The following CSGALNACT1 variants were observed in gnomAD, a reference collection of about 807,000 sequenced individuals.
The protein encoded by CSGALNACT1 is chondroitin sulfate N-acetylgalactosaminyltransferase 1, also known as beta4GalNAcT-1.
Under a neutral mutation model 51.0 loss-of-function variants are expected in CSGALNACT1, and 52 were observed. The ratio of observed to expected loss-of-function variants is 1.02; its 90% CI spans 0.82 to 1.29. The LOEUF (loss-of-function observed/expected upper bound fraction) is 1.29. Among genes scored for constraint, CSGALNACT1 ranks in the 50% most tolerant of loss-of-function variants. The pLI is 0.00. For missense variants in CSGALNACT1, 935 were observed against 679.2 expected (o/e 1.38, Z -4.19); for synonymous variants, 341 against 254.4 (o/e 1.34, Z -3.24).
At chr8:19,519,190 G>T (rs2080153356) in intron 3 of CSGALNACT1, among the ~76,000 whole-genome samples, 1 of 152,152 alleles carries the variant, frequency 6.6e-6, no homozygotes. Flanking sequence ...GGCAGCCCTG[G>T]GGGTGGGGGT....
At position 19,681,738 on chromosome 8, in the gene CSGALNACT1, C is replaced by A. The variant is rs192629760; in HGVS notation, c.-544+735G>T. 6.6e-5 allele frequency among the ~76,000 whole-genome samples: 10 copies of A among 152,314 alleles called. No homozygotes were observed. In the East Asian group the frequency reaches 1.9e-3, roughly 29 times the overall value. Reference sequence around the variant, plus strand: ...CCCTCAACTCCTCCCATCTCTGTCCCCTGCCCTGGGAATGCCAGGCTGGGC... The same window carrying A: ...CCCTCAACTCCTCCCATCTCTGTCCACTGCCCTGGGAATGCCAGGCTGGGC... On this transcript the variant is annotated intron_variant, in intron 1 of 9. Coordinates refer to the CSGALNACT1 transcript ENST00000332246.
intron 3 of CSGALNACT1, among the ~76,000 whole-genome samples, chr8:19,581,337 T>A (rs1417767257): frequency 6.6e-6 from 1 of 152,218 alleles, no homozygotes; most frequent in African/African-American, 2.4e-5. Context: ...TTATGCTATT[T>A]TGATATCCCC....
intron 3 of CSGALNACT1, among the ~76,000 whole-genome samples, chr8:19,569,629 C>G (rs2042590648): frequency 6.6e-6 from 1 of 152,140 alleles, no homozygotes; most frequent in African/African-American, 2.4e-5. Flanking sequence ...AGCTCACATA[C>G]ATTGCTGGTA....
In CSGALNACT1 at chr8:19,575,033, CA is replaced by C. The variant is rs969132530; in HGVS notation, c.-297+16126del. Among the ~76,000 whole-genome samples, 398 of 136,648 alleles carry C rather than the reference CA, an allele frequency of 2.9e-3. 3 individuals are homozygous for C. The East Asian group carries it at 0.03, about 10-fold the overall frequency. The allele number at this position is 136,648 out of a possible 152,430, so 89.6% of individuals were successfully genotyped here. ...CTGACAACAGAGCGAGACTCCGTCTCAAAAAAAAAAAAAATTCCTCTCTCCT... is the reference window on the plus strand; with the variant it reads ...CTGACAACAGAGCGAGACTCCGTCTCAAAAAAAAAAAAATTCCTCTCTCCT... On this transcript the variant is annotated intron_variant, in intron 3 of 9. Coordinates refer to ENST00000454498, the Ensembl canonical transcript of CSGALNACT1.
chr8:19,639,413 A>C (rs1342445112), intron 1 of CSGALNACT1, among the ~76,000 whole-genome samples: 2 of 152,200 alleles, frequency 1.3e-5, no homozygotes, highest in Non-Finnish European at 2.9e-5. Context: ...TTATTTTCTA[A>C]TATTTTCATT....
intron 4 of CSGALNACT1, among the ~76,000 whole-genome samples, chr8:19,466,513 T>C (rs1266093192): frequency 6.6e-6 from 1 of 152,228 alleles, no homozygotes. Flanking sequence ...TAGTATTTTT[T>C]ATTTTTTATA....
At position 19,570,117 on chromosome 8, in the gene CSGALNACT1, G is replaced by C. The variant is rs143461623; in HGVS notation, c.-297+21043C>G. ...ATTTTTTTTTTTTGGTTCTAGAAGT[G>C]GTCTACATCTTGATTTGTGTGGTGA... On this transcript the variant is annotated intron_variant, in intron 3 of 9. Transcript: ENST00000454498. 6.4e-3 allele frequency among the ~76,000 whole-genome samples: 964 copies of C among 151,468 alleles called. 5 individuals are homozygous for C. The highest frequency in any genetic ancestry group is 0.022 in the African/African-American group (894 of 41,252).
chr8:19,478,790 C>A (rs141098928), intron 4 of CSGALNACT1, among the ~76,000 whole-genome samples: 9 of 152,140 alleles, frequency 5.9e-5, no homozygotes, highest in African/African-American at 2.2e-4. Flanking sequence ...CCTAATGTGA[C>A]GAAGCTACTT....
chr8:19,509,797 C>T (rs539973437), intron 3 of CSGALNACT1, among the ~76,000 whole-genome samples: 31 of 152,282 alleles, frequency 2.0e-4, no homozygotes, highest in African/African-American at 7.5e-4. Flanking sequence ...TATATGTTCA[C>T]AGACTTGCAG....
chr8:19,605,292 C>T (rs539378257), upstream of CSGALNACT1, among the ~76,000 whole-genome samples: 10 of 152,108 alleles, frequency 6.6e-5, no homozygotes, highest in Admixed American at 2.0e-4. Context: ...AAAAATTAGC[C>T]GGGCATGGTG....
chr8:19,608,291 C>G (rs2051690090), intron 1 of CSGALNACT1, among the ~76,000 whole-genome samples: 1 of 152,162 alleles, frequency 6.6e-6, no homozygotes, highest in Non-Finnish European at 1.5e-5. Context: ...ATTCCCACAC[C>G]TTATACACCA....
At chr8:19,507,851 T>A (rs191061804) in intron 3 of CSGALNACT1, among the ~76,000 whole-genome samples, 1 of 152,290 alleles carries the variant, frequency 6.6e-6, no homozygotes, top group Non-Finnish European at 1.5e-5. Flanking sequence ...ATGGTCTCTA[T>A]CTCCTGACCT....
At chr8:19,515,521 G>A (rs1008940071) in intron 3 of CSGALNACT1, among the ~76,000 whole-genome samples, 15 of 152,076 alleles carry the variant, frequency 9.9e-5, no homozygotes, top group African/African-American at 3.6e-4. Flanking sequence ...CAATAGAAAA[G>A]CAACTGAGAA....
At chr8:19,501,242 G>A (rs1257887779) in intron 4 of CSGALNACT1, among the ~76,000 whole-genome samples, 5 of 66,308 alleles carry the variant, frequency 7.5e-5, no homozygotes, top group Non-Finnish European at 1.3e-4. Flanking sequence ...GCGAGACTCC[G>A]TCTCAAAAAA....
chr8:19,534,840 C>G (rs560240394), intron 3 of CSGALNACT1, among the ~76,000 whole-genome samples: 26 of 151,850 alleles, frequency 1.7e-4, no homozygotes, highest in Non-Finnish European at 2.9e-4. Flanking sequence ...CTTTTTTCTT[C>G]AAGTCAAGTG....
exon 10 of CSGALNACT1, chr8:19,404,460 A>T (rs1282855228): frequency 2.2e-6 from 1 of 453,540 alleles, no homozygotes; most frequent in Non-Finnish European, 4.4e-6. Context: ...AATGGTAATA[A>T]AATGCAATTT....
At chr8:19,681,866 C>T (rs2060645658) in intron 1 of CSGALNACT1, among the ~76,000 whole-genome samples, 1 of 152,204 alleles carries the variant, frequency 6.6e-6, no homozygotes, top group African/African-American at 2.4e-5. Flanking sequence ...GCCCCCAAGA[C>T]ATGTTCACCT....
At chr8:19,529,934 G>C (rs551030830) in intron 3 of CSGALNACT1, among the ~76,000 whole-genome samples, 18 of 151,974 alleles carry the variant, frequency 1.2e-4, no homozygotes, top group Admixed American at 3.9e-4. Context: ...TTTTAAAATA[G>C]TCTCAGCCCA....
At chr8:19,535,010 A>G (rs2083467220) in intron 3 of CSGALNACT1, among the ~76,000 whole-genome samples, 1 of 152,222 alleles carries the variant, frequency 6.6e-6, no homozygotes, top group Non-Finnish European at 1.5e-5. Flanking sequence ...GCCAGGTTGA[A>G]GTAAATAAAA....
Sources: allele counts gnomAD v4.1 joint callset (sites outside exome capture counted in the v4.1 genomes callset), GRCh38; gene constraint gnomAD v4.1.1; transcripts MANE v1.5; gene names NCBI Gene and HGNC (gene_info 2026-07-23, HGNC 2026-07-21).